Variants in ATP6V0A1 observed in about 807,000 individuals in gnomAD.
ATP6V0A1 encodes V-type proton ATPase 116 kDa subunit a 1.
In ATP6V0A1, 43 loss-of-function variants were observed where a neutral mutation model predicts 105.4. That is an observed-to-expected ratio of 0.41 (90% CI 0.32 to 0.53). ATP6V0A1 has a LOEUF of 0.53. Ranked by LOEUF, ATP6V0A1 falls within the 20% of genes least tolerant of loss-of-function variation. ATP6V0A1 has a pLI of 0.30. For synonymous variants in ATP6V0A1, 362 were observed against 372.8 expected, an observed-to-expected ratio of 0.97 and a Z score of 0.33; for missense variants, 676 against 1,051.1, an observed-to-expected ratio of 0.64 and a Z score of 4.93.
At chr17:42,495,742 T>C (rs376639760) in intron 14 of ATP6V0A1, 26 bp downstream of exon 14, 18 of 1,565,110 alleles carry the variant, frequency 1.2e-5, no homozygotes, top group Admixed American at 5.0e-5. Context: ...TCCTATATGC[T>C]AACCTCAAAT....
At chr17:42,468,938 C>T (rs2087480779) in intron 4 of ATP6V0A1, among the ~76,000 whole-genome samples, 1 of 152,158 alleles carries the variant, frequency 6.6e-6, no homozygotes, top group South Asian at 2.1e-4. Context: ...CCCTGCCTCC[C>T]AGGCTCAAGC....
chr17:42,507,938 C>T (rs73297673), intron 18 of ATP6V0A1, among the ~76,000 whole-genome samples: 1 of 152,162 alleles, frequency 6.6e-6, no homozygotes, highest in African/African-American at 2.4e-5. Context: ...CCTCAGCATC[C>T]CAGCTCTTAT....
intron 10 of ATP6V0A1, among the ~76,000 whole-genome samples, chr17:42,489,691 T>C (rs1431828931): frequency 6.6e-6 from 1 of 151,924 alleles, no homozygotes; most frequent in African/African-American, 2.4e-5. Flanking sequence ...GGGAAGTAAA[T>C]GTTCAGCCAG....
intron 8 of ATP6V0A1, 134 bp downstream of exon 8, chr17:42,480,883 A>G (rs1258449421): frequency 2.1e-5 from 15 of 697,940 alleles, no homozygotes; most frequent in Non-Finnish European, 3.4e-5. Flanking sequence ...GTTAGGGGCT[A>G]TTTTAATCAA....
intron 4 of ATP6V0A1, among the ~76,000 whole-genome samples, chr17:42,469,406 C>T (rs959324327): frequency 1.4e-5 from 2 of 147,394 alleles, no homozygotes; most frequent in Non-Finnish European, 3.0e-5. Context: ...TCTTGGCTCA[C>T]TGCAACCTCC....
intron 15 of ATP6V0A1, 30 bp from the exon 16 acceptor site, chr17:42,500,677 C>A: frequency 6.4e-7 from 1 of 1,572,530 alleles, no homozygotes; most frequent in Non-Finnish European, 8.7e-7. Context: ...GCCCATTTAC[C>A]CTTAACATTT....
intron 2 of ATP6V0A1, among the ~76,000 whole-genome samples, chr17:42,462,099 C>T (rs1430404040): frequency 2.0e-5 from 3 of 150,622 alleles, no homozygotes; most frequent in African/African-American, 7.3e-5. Context: ...GCTGTGGTCC[C>T]AGCTGCTTGG....
intron 7 of ATP6V0A1, among the ~76,000 whole-genome samples, chr17:42,479,492 C>T (rs2089222495): frequency 6.6e-6 from 1 of 152,184 alleles, no homozygotes; most frequent in African/African-American, 2.4e-5. Flanking sequence ...CAGGGAGTAC[C>T]AGTGAAGATA....
chr17:42,516,770 A>C (rs919210897), intron 21 of ATP6V0A1, among the ~76,000 whole-genome samples: 1 of 152,210 alleles, frequency 6.6e-6, no homozygotes, highest in South Asian at 2.1e-4. Context: ...GTGTCTTCCC[A>C]GGTCCCCCTG....
At chr17:42,509,164 C>T (rs1345173413) in intron 19 of ATP6V0A1, among the ~76,000 whole-genome samples, 2 of 152,016 alleles carry the variant, frequency 1.3e-5, no homozygotes, top group African/African-American at 4.8e-5. Flanking sequence ...GGAGGCTTTG[C>T]CTTCCAGATG....
At position 42,500,239 on chromosome 17, in the gene ATP6V0A1, GA is replaced by G. The variant is rs1282383284; in HGVS notation, c.1680-467del. On this transcript the variant is annotated intron_variant, in intron 15 of 21. Coordinates refer to ENST00000343619, the MANE Select transcript of ATP6V0A1 (RefSeq NM_001130021.3). ...TCACATCTGTCATCCTGCACTTTGGGAGGCCAAGGCGGGCAGATCACCTGAT... is the reference window on the plus strand; with the variant it reads ...TCACATCTGTCATCCTGCACTTTGGGGGCCAAGGCGGGCAGATCACCTGAT... Among the ~76,000 whole-genome samples, 6 of 152,256 alleles carry G rather than the reference GA, an allele frequency of 3.9e-5. No homozygotes were observed. The South Asian group carries it at 6.2e-4, about 16-fold the overall frequency.
intron 3 of ATP6V0A1, 54 bp downstream of exon 3, chr17:42,466,561 A>G: frequency 1.4e-6 from 2 of 1,431,358 alleles, no homozygotes; most frequent in Non-Finnish European, 2.0e-6. Context: ...TTTGTCTTAG[A>G]TTAGTGACAT....
intron 17 of ATP6V0A1, 80 bp downstream of exon 17, chr17:42,501,384 A>G: frequency 9.8e-7 from 1 of 1,015,986 alleles, no homozygotes; most frequent in Non-Finnish European, 1.5e-6. Flanking sequence ...GGATATAATT[A>G]ATTGTGCACA....
rs556940860 is a variant in ATP6V0A1 at position 42,499,199 on chromosome 17, G to A, written c.1679+157G>A. ...AAAATTTAATGGTGTGGCCAGGCGC[G>A]GTGGATCATGCCTGTAATCCCAGTA... On this transcript the variant is annotated intron_variant, in intron 15 of 21. Coordinates refer to ENST00000343619, the MANE Select transcript of ATP6V0A1 (RefSeq NM_001130021.3). Among the ~76,000 whole-genome samples, 181 of 152,272 alleles carry A rather than the reference G, an allele frequency of 1.2e-3. 1 individual carries two copies. Among genetic ancestry groups the A allele is most frequent in the African/African-American group, 4.2e-3 (175 of 41,556 alleles).
chr17:42,466,307 G>T, intron 2 of ATP6V0A1, 122 bp from the exon 3 acceptor site: 3 of 726,206 alleles, frequency 4.1e-6, no homozygotes, highest in East Asian at 2.7e-5. Flanking sequence ...AGACAGTTTT[G>T]ATTAGTGTTG....
At chr17:42,465,366 C>CT (rs2086915779) in intron 2 of ATP6V0A1, among the ~76,000 whole-genome samples, 1 of 152,032 alleles carries the variant, frequency 6.6e-6, no homozygotes, top group Non-Finnish European at 1.5e-5. Flanking sequence ...TTTTGGCTCA[C>CT]TGCAACCTCA....
Position 42,498,942 on chromosome 17 carries a change from A to G in ATP6V0A1, c.1579A>G (p.Asn527Asp), listed in dbSNP as rs766856192. Reference protein sequence around the residue: ...GIDPIWNIATNKLTFLNSFKM... With the variant: ...GIDPIWNIATDKLTFLNSFKM... ...ATGACAGATTTGGAACATTGCTACC[A>G]ATAAACTGACGTTCTTGAACTCCTT... Residue 527 changes from asparagine (N) to aspartate (D), a missense_variant, in exon 15 of 22, where the codon AAT becomes GAT. Physicochemically the swap from Asn to Asp is conservative, Grantham distance 23 (BLOSUM62 1). This residue lies in a region of ATP6V0A1 where 435 missense variants were observed against 642.2 expected (regional missense o/e 0.68). Coordinates refer to ENST00000343619, the MANE Select transcript of ATP6V0A1 (RefSeq NM_001130021.3). The G allele has an allele frequency of 3.7e-6, 6 of 1,611,948 alleles. No homozygotes were observed.
In ATP6V0A1 at chr17:42,460,966, T is replaced by C. The variant is rs142964773; in HGVS notation, c.72T>C (p.Cys24=). 41 of 1,614,098 alleles carry C rather than the reference T, an allele frequency of 2.5e-5. No homozygotes were observed. The African/African-American group carries it at 5.2e-4, about 20-fold the overall frequency. ...QLFLQSEAAY[C]CVSELGELGK... is the part of the protein sequence containing the mutation. Reference sequence around the variant, plus strand: ...TTCTACAGTCAGAGGCTGCTTATTGTTGTGTCAGTGAATTAGGAGAACTTG... The same window carrying C: ...TTCTACAGTCAGAGGCTGCTTATTGCTGTGTCAGTGAATTAGGAGAACTTG... Residue 24 remains cysteine, a synonymous_variant, in exon 2 of 22, where the codon TGT becomes TGC. Coordinates refer to ENST00000343619, the MANE Select transcript of ATP6V0A1 (RefSeq NM_001130021.3).
At chr17:42,471,234 C>G (rs887798594) in intron 5 of ATP6V0A1, 6 of 151,572 alleles carry the variant, frequency 4.0e-5, no homozygotes, top group African/African-American at 1.5e-4. Context: ...TCTTGGCTAA[C>G]ACGGTGAAAC....
Sources: gnomAD v4.1 joint callset for allele counts (sites outside exome capture counted in the v4.1 genomes callset) on GRCh38, gnomAD v4.1.1 for gene constraint, gnomAD v4.1.1 regional missense constraint, MANE v1.5 for transcripts, NCBI Gene and HGNC (gene_info 2026-07-23, HGNC 2026-07-21) for gene names.